The following PAPPA2 variants were observed in gnomAD, a reference collection of about 807,000 sequenced individuals.
PAPPA2 encodes pappalysin 2.
Under a neutral mutation model 176.4 loss-of-function variants are expected in PAPPA2, and 86 were observed. The ratio of observed to expected loss-of-function variants is 0.49; its 90% CI spans 0.41 to 0.58. The LOEUF (loss-of-function observed/expected upper bound fraction) is 0.58, where lower values mean the gene tolerates loss of function less well. Ranked by LOEUF, PAPPA2 falls within the 20% of genes least tolerant of loss-of-function variation. The probability of loss-of-function intolerance (pLI) is 0.00; values close to 1 mark genes in which losing one functional copy is unlikely to be tolerated. For synonymous variants in PAPPA2, 809 were observed against 852.2 expected, an observed-to-expected ratio of 0.95 and a Z score of 0.88; for missense variants, 2,073 against 2,256.9, an observed-to-expected ratio of 0.92 and a Z score of 1.65.
At chr1:176,691,388 C>A (rs756638767) in intron 5 of PAPPA2, among the ~76,000 whole-genome samples, 1 of 152,132 alleles carries the variant, frequency 6.6e-6, no homozygotes, top group Non-Finnish European at 1.5e-5. Flanking sequence ...AGTTTCATTG[C>A]GGTGAATAAT....
chr1:176,819,170 G>A (rs530016013), intron 21 of PAPPA2, among the ~76,000 whole-genome samples: 1 of 152,266 alleles, frequency 6.6e-6, no homozygotes, highest in South Asian at 2.1e-4. Flanking sequence ...CACATGTCAG[G>A]GGGAGGGTCA....
At position 176,674,212 on chromosome 1, in the gene PAPPA2, A is replaced by G. The variant is rs1277824736; in HGVS notation, c.2137+3097A>G. Among the ~76,000 whole-genome samples, 3 of 152,222 alleles carry G rather than the reference A, an allele frequency of 2.0e-5. No individual in the cohort carries two copies. The East Asian group carries it at 5.8e-4, about 29-fold the overall frequency. ...TGAGACACCCTCTGTGCAAGGGTAA[A>G]CAGAAGTAGTACAGCTTATACAAAG... On this transcript the variant is annotated intron_variant, in intron 4 of 22. Transcript: ENST00000367662.
At chr1:176,692,027 G>T in intron 5 of PAPPA2, 99 bp from the exon 6 acceptor site, 1 of 1,177,542 alleles carries the variant, frequency 8.5e-7, no homozygotes, top group Non-Finnish European at 1.2e-6. Flanking sequence ...AGCCTAATAA[G>T]TTAACTCAGC....
At chr1:176,500,053 TG>T (rs1399699557) in intron 1 of PAPPA2, among the ~76,000 whole-genome samples, 2 of 152,176 alleles carry the variant, frequency 1.3e-5, no homozygotes, top group Non-Finnish European at 2.9e-5. Context: ...AATGAGTGTG[TG>T]GGTTTACATG....
intron 4 of PAPPA2, among the ~76,000 whole-genome samples, chr1:176,683,287 T>C (rs867392341): frequency 6.6e-6 from 1 of 152,098 alleles, no homozygotes; most frequent in Non-Finnish European, 1.5e-5. Flanking sequence ...TCTTTTGTAA[T>C]CAAGGCTGAA....
At position 176,465,738 on chromosome 1, in the gene PAPPA2, T is replaced by C. The variant is rs536907133; in HGVS notation, c.-917+2320T>C. On this transcript the variant is annotated intron_variant, in intron 1 of 22. Transcript: ENST00000367662. ...GTTTTTTTTTGCATAGGTTATTTCATCACACAGGTATTAAGCCTAGTACCC... is the reference window on the plus strand; with the variant it reads ...GTTTTTTTTTGCATAGGTTATTTCACCACACAGGTATTAAGCCTAGTACCC... 2.0e-5 allele frequency among the ~76,000 whole-genome samples: 3 copies of C among 151,822 alleles called. No homozygotes were observed. The South Asian group carries it at 6.3e-4, about 32-fold the overall frequency.
At chr1:176,542,218 T>C (rs75055186) in intron 1 of PAPPA2, among the ~76,000 whole-genome samples, 2 of 152,292 alleles carry the variant, frequency 1.3e-5, no homozygotes, top group African/African-American at 4.8e-5. Flanking sequence ...ATATTTGCCA[T>C]AAAAATGGGA....
chr1:176,565,688 C>T (rs775366404), intron 2 of PAPPA2, among the ~76,000 whole-genome samples: 3 of 152,148 alleles, frequency 2.0e-5, no homozygotes, highest in African/African-American at 7.2e-5. Flanking sequence ...AGAATGAGAA[C>T]CTGTCTCAAT....
chr1:176,554,130 A>G (rs890866456), intron 1 of PAPPA2, among the ~76,000 whole-genome samples: 1 of 152,182 alleles, frequency 6.6e-6, no homozygotes, highest in African/African-American at 2.4e-5. Flanking sequence ...ATAAGGAAAC[A>G]GGACATGCTG....
Position 176,706,648 on chromosome 1 carries a change from G to T in PAPPA2, c.3457+198G>T, listed in dbSNP as rs773382397. Among the ~76,000 whole-genome samples the T allele has an allele frequency of 9.9e-5, 15 of 152,164 alleles. No homozygotes were observed. In the Middle Eastern group the frequency reaches 9.5e-3, roughly 96 times the overall value. On this transcript the variant is annotated intron_variant, in intron 10 of 22. Coordinates refer to ENST00000367662, the MANE Select transcript of PAPPA2 (RefSeq NM_020318.3). ...GAATAACTGGGGAAGACAAAGTGAG[G>T]CACAGAGCTTAAATAACTTGATTTC...
intron 2 of PAPPA2, among the ~76,000 whole-genome samples, chr1:176,567,429 A>G (rs551714718): frequency 2.0e-5 from 3 of 152,332 alleles, no homozygotes; most frequent in South Asian, 2.1e-4. Context: ...TGCAGAGCCT[A>G]TAAGTTAATC....
intron 15 of PAPPA2, among the ~76,000 whole-genome samples, chr1:176,767,286 G>T (rs1177882150): frequency 1.3e-5 from 2 of 152,182 alleles, no homozygotes; most frequent in Admixed American, 6.6e-5. Context: ...AAAACAAAAT[G>T]GACAGTACCT....
intron 2 of PAPPA2, among the ~76,000 whole-genome samples, chr1:176,579,389 G>A (rs1652832895): frequency 6.6e-6 from 1 of 152,156 alleles, no homozygotes; most frequent in Non-Finnish European, 1.5e-5. Flanking sequence ...ATTACTAAAT[G>A]TTACATGTCA....
intron 3 of PAPPA2, among the ~76,000 whole-genome samples, chr1:176,631,741 G>A (rs1261793368): frequency 6.6e-6 from 1 of 152,104 alleles, no homozygotes; most frequent in Non-Finnish European, 1.5e-5. Context: ...GTGAAAATGT[G>A]GAGATGAACT....
At chr1:176,814,636 T>C (rs1328284037) in intron 21 of PAPPA2, among the ~76,000 whole-genome samples, 1 of 152,238 alleles carries the variant, frequency 6.6e-6, no homozygotes, top group African/African-American at 2.4e-5. Flanking sequence ...ATTGATTTTG[T>C]AACCTGAGAC....
intron 3 of PAPPA2, among the ~76,000 whole-genome samples, chr1:176,611,010 C>T (rs774592548): frequency 1.3e-5 from 2 of 152,012 alleles, no homozygotes; most frequent in Non-Finnish European, 1.5e-5. Flanking sequence ...TATCTTTAGC[C>T]CCCTAAGTCT....
intron 12 of PAPPA2, among the ~76,000 whole-genome samples, chr1:176,729,091 C>A (rs906388094): frequency 4.6e-5 from 7 of 151,760 alleles, no homozygotes; most frequent in Non-Finnish European, 1.0e-4. Flanking sequence ...TGCAAAGATA[C>A]CTTTTCGTTT....
chr1:176,692,607 C>G (rs1660170708), intron 6 of PAPPA2, among the ~76,000 whole-genome samples: 1 of 152,172 alleles, frequency 6.6e-6, no homozygotes, highest in African/African-American at 2.4e-5. Flanking sequence ...GGGCATCTGC[C>G]ATTTGTCTCT....
chr1:176,506,041 C>T (rs1648242784), intron 1 of PAPPA2, among the ~76,000 whole-genome samples: 1 of 152,028 alleles, frequency 6.6e-6, no homozygotes, highest in African/African-American at 2.4e-5. Context: ...AAGATAAGCA[C>T]CCAATTTCAT....
Sources: allele counts gnomAD v4.1 joint callset (sites outside exome capture counted in the v4.1 genomes callset), GRCh38; gene constraint gnomAD v4.1.1; transcripts MANE v1.5; gene names NCBI Gene and HGNC (gene_info 2026-07-23, HGNC 2026-07-21).